Variants in GABBR2 observed in about 807,000 individuals in gnomAD.
GABBR2 encodes the protein G-protein coupled receptor 51.
A neutral mutation model predicts 105.6 loss-of-function variants in GABBR2; 23 were observed. That is an observed-to-expected ratio of 0.22 (90% confidence interval 0.16 to 0.31). GABBR2 has a LOEUF of 0.31. Ranked by LOEUF, GABBR2 falls within the 10% of genes least tolerant of loss-of-function variation. GABBR2 has a pLI of 1.00. For synonymous variants in GABBR2, 478 were observed against 499.7 expected, an observed-to-expected ratio of 0.96 and a Z score of 0.58; for missense variants, 734 against 1,245.5, an observed-to-expected ratio of 0.59 and a Z score of 6.18.
At chr9:98,575,449 G>C (rs1287183654) in intron 2 of GABBR2, among the ~76,000 whole-genome samples, 6 of 152,154 alleles carry the variant, frequency 3.9e-5, no homozygotes, top group African/African-American at 1.4e-4. Context: ...AGAACACTTA[G>C]TTAGCACTAA....
chr9:98,436,363 A>ACACACACAC (rs1825918567), intron 7 of GABBR2, among the ~76,000 whole-genome samples: 37 of 6,478 alleles, frequency 5.7e-3, no homozygotes, highest in Non-Finnish European at 0.011. Context: ...ATATATATAT[A>ACACACACAC]TATATATATA....
intron 3 of GABBR2, among the ~76,000 whole-genome samples, chr9:98,532,958 T>C (rs1160550640): frequency 6.6e-6 from 1 of 152,202 alleles, no homozygotes; most frequent in Non-Finnish European, 1.5e-5. Flanking sequence ...CGTGGCAGGT[T>C]CCTGGGGATT....
Position 98,362,751 on chromosome 9 carries a change from G to T in GABBR2, c.1857C>A (p.Asp619Glu). The T allele has an allele frequency of 1.9e-6, 3 of 1,603,990 alleles. No homozygotes were observed. Among genetic ancestry groups the T allele is most frequent in the Non-Finnish European group, 2.6e-6 (3 of 1,175,834 alleles). The change falls in exon 13 of 19, where the codon GAC becomes GAA. Residue 619 changes from aspartate to glutamate, a missense_variant. By Grantham distance (45) the Asp-to-Glu change is conservative. This residue lies in a region of GABBR2 where 52 missense variants were observed against 81.3 expected (regional missense o/e 0.64). Transcript: ENST00000259455. ...LCILICWQAV[D>E]PLRRTVEKYS... is the part of the protein sequence containing the mutation. Reference sequence around the variant, plus strand: ...ACTTCTCCACTGTCCTTCGCAGGGGGTCCACAGCCTGCCAGCAGATCAGGA... The same window carrying T: ...ACTTCTCCACTGTCCTTCGCAGGGGTTCCACAGCCTGCCAGCAGATCAGGA...
At chr9:98,493,734 C>T (rs571852655) in intron 4 of GABBR2, among the ~76,000 whole-genome samples, 6 of 152,264 alleles carry the variant, frequency 3.9e-5, no homozygotes, top group South Asian at 4.1e-4. Flanking sequence ...ACTACCTTCC[C>T]GTTGTTCCTG....
chr9:98,440,155 G>C (rs917506483), intron 7 of GABBR2, among the ~76,000 whole-genome samples: 2 of 152,188 alleles, frequency 1.3e-5, no homozygotes, highest in African/African-American at 4.8e-5. Flanking sequence ...CAGCTCCAGA[G>C]CTACCAGAAT....
chr9:98,514,213 A>G (rs1160441565), intron 3 of GABBR2, among the ~76,000 whole-genome samples: 4 of 132,368 alleles, frequency 3.0e-5, no homozygotes, highest in Non-Finnish European at 6.9e-5. Context: ...ATGAGATCAC[A>G]TGGACACAGG....
At position 98,335,247 on chromosome 9, in the gene GABBR2, C is replaced by T. The variant is rs571852594; in HGVS notation, c.1894-24042G>A. ...GGCCTGCGTAGCTCTTTGGGGTCTG[C>T]ACACATGAACTCCCCAGGTGGGCCT... is the stretch of plus-strand genomic sequence containing the variant. On this transcript the variant is annotated intron_variant, in intron 13 of 18. Transcript: ENST00000259455. Among the ~76,000 whole-genome samples, 32 of 152,290 alleles carry T rather than the reference C, an allele frequency of 2.1e-4. No individual in the cohort carries two copies. In the South Asian group the frequency reaches 4.4e-3, roughly 21 times the overall value.
At chr9:98,648,116 T>TGTGTGTATAGATAG in intron 1 of GABBR2, among the ~76,000 whole-genome samples, 2,458 of 55,864 alleles carry the variant, frequency 0.044, 72 homozygotes, top group East Asian at 0.13. Context: ...TGTGTGTGTG[T>TGTGTGTATAGATAG]ATAGATAGAT....
intron 1 of GABBR2, among the ~76,000 whole-genome samples, chr9:98,615,317 A>G (rs777091564): frequency 6.6e-6 from 1 of 152,238 alleles, no homozygotes; most frequent in African/African-American, 2.4e-5. Flanking sequence ...AAGGACCACA[A>G]GCCTATCTCA....
chr9:98,479,192 G>A (rs1826858094), intron 5 of GABBR2, among the ~76,000 whole-genome samples: 1 of 152,000 alleles, frequency 6.6e-6, no homozygotes, highest in Non-Finnish European at 1.5e-5. Flanking sequence ...CAATTTTGTG[G>A]AATCTACCCA....
At chr9:98,498,829 G>C (rs56301029) in intron 3 of GABBR2, among the ~76,000 whole-genome samples, 35,099 of 152,194 alleles carry the variant, frequency 0.23, 4,429 homozygotes, top group Non-Finnish European at 0.28. Flanking sequence ...TCTGGATACA[G>C]GTGGGCCCCA....
At chr9:98,612,932 G>A (rs1829526540) in intron 1 of GABBR2, among the ~76,000 whole-genome samples, 1 of 152,234 alleles carries the variant, frequency 6.6e-6, no homozygotes, top group Non-Finnish European at 1.5e-5. Flanking sequence ...GGTTGGAGCA[G>A]AGCAGGTAGA....
chr9:98,635,627 G>A (rs577185893), intron 1 of GABBR2, among the ~76,000 whole-genome samples: 8 of 152,236 alleles, frequency 5.3e-5, no homozygotes, highest in African/African-American at 1.7e-4. Context: ...CTAGAAAGAG[G>A]TGTCTGTAGG....
chr9:98,666,241 G>A (rs926326800), intron 1 of GABBR2, among the ~76,000 whole-genome samples: 11 of 152,136 alleles, frequency 7.2e-5, no homozygotes, highest in Admixed American at 5.9e-4. Context: ...GGAACCTAAC[G>A]AACCCAAAGG....
chr9:98,463,875 A>T lies in GABBR2; in HGVS notation c.999+9271T>A, dbSNP rs564980770. On this transcript the variant is annotated intron_variant, in intron 6 of 18. Transcript: ENST00000259455. Reference sequence around the variant, plus strand: ...GGTGTCCAGCTCCTGGCCTCGGGTGATCTGCCCGCCTCGGCCTCCCAAGGT... The same window carrying T: ...GGTGTCCAGCTCCTGGCCTCGGGTGTTCTGCCCGCCTCGGCCTCCCAAGGT... Among the ~76,000 whole-genome samples the T allele has an allele frequency of 2.0e-3, 298 of 152,136 alleles. 2 individuals are homozygous for T. Among genetic ancestry groups the T allele is most frequent in the African/African-American group, 6.6e-3 (273 of 41,486 alleles).
At chr9:98,533,872 G>T (rs1164111994) in intron 3 of GABBR2, among the ~76,000 whole-genome samples, 1 of 152,186 alleles carries the variant, frequency 6.6e-6, no homozygotes, top group Non-Finnish European at 1.5e-5. Context: ...TGAGACAGAG[G>T]AGGAGGCCTC....
At chr9:98,292,872 G>A (rs1435253) in intron 18 of GABBR2, among the ~76,000 whole-genome samples, 20,927 of 152,132 alleles carry the variant, frequency 0.14, 1,761 homozygotes, top group Non-Finnish European at 0.18. Context: ...GACACATGAA[G>A]GACTCATAAC....
In GABBR2 at chr9:98,368,965, G is replaced by A. The variant is rs551780284; in HGVS notation, c.1770+2499C>T. Among the ~76,000 whole-genome samples the A allele has an allele frequency of 3.3e-5, 5 of 152,342 alleles. No individual in the cohort carries two copies. The South Asian group carries it at 1.0e-3, about 32-fold the overall frequency. On this transcript the variant is annotated intron_variant, in intron 12 of 18. Coordinates refer to ENST00000259455, the MANE Select transcript of GABBR2 (RefSeq NM_005458.8). Reference sequence around the variant, plus strand: ...ACAGCTTGCAGGGCAGCCGCACTCAGAAGCCCTGACCTAGACCACAGGTCC... The same window carrying A: ...ACAGCTTGCAGGGCAGCCGCACTCAAAAGCCCTGACCTAGACCACAGGTCC...
intron 17 of GABBR2, among the ~76,000 whole-genome samples, chr9:98,296,382 T>C (rs1195223185): frequency 6.6e-6 from 1 of 152,178 alleles, no homozygotes; most frequent in Non-Finnish European, 1.5e-5. Context: ...ATTTCTGTTG[T>C]TTATAAATTA....
Sources: allele counts gnomAD v4.1 joint callset (sites outside exome capture counted in the v4.1 genomes callset), GRCh38; gene constraint gnomAD v4.1.1; regional missense constraint gnomAD v4.1.1; transcripts MANE v1.5; gene names NCBI Gene and HGNC (gene_info 2026-07-23, HGNC 2026-07-21).